DTNA: variants seen among roughly 807,000 people sequenced by gnomAD.
DTNA encodes the protein dystrophin-related protein 3.
A neutral mutation model predicts 100.7 loss-of-function variants in DTNA; 43 were observed. The ratio of observed to expected loss-of-function variants is 0.43; its 90% CI spans 0.33 to 0.55. The LOEUF is 0.55. Among genes scored for constraint, DTNA ranks in the 20% least tolerant of loss-of-function variants. The pLI is 0.04. For synonymous variants in DTNA, 349 were observed against 347.9 expected, an observed-to-expected ratio of 1.00 and a Z score of -0.04; for missense variants, 798 against 953.9, an observed-to-expected ratio of 0.84 and a Z score of 2.15.
At chr18:34,589,201 G>A (rs1345284926) in intron 1 of DTNA, among the ~76,000 whole-genome samples, 2 of 151,944 alleles carry the variant, frequency 1.3e-5, no homozygotes, top group African/African-American at 4.8e-5. Flanking sequence ...TTTTTAAAAT[G>A]TATGTTTGTA....
intron 1 of DTNA, among the ~76,000 whole-genome samples, chr18:34,539,488 G>C (rs1187804214): frequency 6.6e-6 from 1 of 151,920 alleles, no homozygotes; most frequent in Non-Finnish European, 1.5e-5. Flanking sequence ...AAATTTCCAA[G>C]TTTCTTTCAA....
At chr18:34,810,884 G>A (rs549897364) in intron 5 of DTNA, among the ~76,000 whole-genome samples, 12 of 152,118 alleles carry the variant, frequency 7.9e-5, no homozygotes, top group Non-Finnish European at 1.5e-4. Flanking sequence ...TTGAAACAGC[G>A]GAAACCCTTT....
At chr18:34,610,698 T>C (rs1301347628) in intron 1 of DTNA, among the ~76,000 whole-genome samples, 2 of 152,202 alleles carry the variant, frequency 1.3e-5, no homozygotes, top group Non-Finnish European at 2.9e-5. Context: ...GCATTTAGGC[T>C]GTTGTCCATT....
intron 1 of DTNA, among the ~76,000 whole-genome samples, chr18:34,722,480 A>T (rs2085547506): frequency 6.6e-6 from 1 of 152,142 alleles, no homozygotes; most frequent in African/African-American, 2.4e-5. Context: ...ACTTACTATA[A>T]ATCAAATTAT....
chr18:34,869,715 A>G (rs1206028844), intron 17 of DTNA, among the ~76,000 whole-genome samples: 1 of 152,192 alleles, frequency 6.6e-6, no homozygotes, highest in Non-Finnish European at 1.5e-5. Flanking sequence ...TACAGGGTGC[A>G]TATTTTAGTC....
intron 1 of DTNA, among the ~76,000 whole-genome samples, chr18:34,596,741 A>AT (rs147137665): frequency 0.012 from 1,869 of 152,168 alleles, 33 homozygotes; most frequent in African/African-American, 0.041. Context: ...TTCTGATTTT[A>AT]TTTTTTAGTT....
chr18:34,862,246 A>G (rs2150126003), intron 16 of DTNA, among the ~76,000 whole-genome samples: 1 of 152,084 alleles, frequency 6.6e-6, no homozygotes, highest in South Asian at 2.1e-4. Context: ...GACAAAGACT[A>G]AAATAAGATA....
chr18:34,570,120 A>G (rs1330961762), intron 1 of DTNA, among the ~76,000 whole-genome samples: 1 of 152,140 alleles, frequency 6.6e-6, no homozygotes, highest in Non-Finnish European at 1.5e-5. Context: ...TTTGAACTAA[A>G]TTGCCAAACT....
chr18:34,664,394 T>G (rs1319513882), intron 1 of DTNA, among the ~76,000 whole-genome samples: 3 of 152,196 alleles, frequency 2.0e-5, no homozygotes, highest in African/African-American at 7.2e-5. Flanking sequence ...AGACCAATTC[T>G]TTTAAGATGC....
intron 1 of DTNA, among the ~76,000 whole-genome samples, chr18:34,560,635 A>G (rs942485598): frequency 6.6e-6 from 1 of 152,176 alleles, no homozygotes; most frequent in Non-Finnish European, 1.5e-5. Context: ...GTTGGGCGCT[A>G]TGGCTCACTC....
intron 1 of DTNA, among the ~76,000 whole-genome samples, chr18:34,529,637 A>G (rs2042959026): frequency 6.6e-6 from 1 of 152,172 alleles, no homozygotes; most frequent in Non-Finnish European, 1.5e-5. Context: ...GGAGAGTCAC[A>G]AAGTGGTTAT....
intron 1 of DTNA, 119 bp from the exon 2 acceptor site, chr18:34,755,857 G>A (rs778834102): frequency 2.3e-6 from 2 of 879,322 alleles, no homozygotes. Context: ...AAAACAAACA[G>A]TTTTAAATAG....
intron 1 of DTNA, among the ~76,000 whole-genome samples, chr18:34,702,676 C>A (rs1410616618): frequency 3.3e-5 from 5 of 152,144 alleles, no homozygotes; most frequent in Non-Finnish European, 7.4e-5. Flanking sequence ...CCTATATCAC[C>A]CATAATAAAC....
chr18:34,801,571 C>T (rs949646140), intron 4 of DTNA, among the ~76,000 whole-genome samples: 8 of 147,776 alleles, frequency 5.4e-5, no homozygotes, highest in East Asian at 4.0e-4. Context: ...AGTGCAGTGG[C>T]GCGATCTTGG....
intron 1 of DTNA, among the ~76,000 whole-genome samples, chr18:34,601,879 G>A (rs1471325385): frequency 1.3e-5 from 2 of 152,142 alleles, no homozygotes; most frequent in Admixed American, 6.5e-5. Flanking sequence ...CTCCGTTGGG[G>A]CAATTCCTAC....
At chr18:34,732,722 A>G (rs754967024) in intron 1 of DTNA, among the ~76,000 whole-genome samples, 1 of 152,254 alleles carries the variant, frequency 6.6e-6, no homozygotes, top group Admixed American at 6.5e-5. Flanking sequence ...CTAAAGTGCT[A>G]TGTTAGTAGG....
intron 1 of DTNA, among the ~76,000 whole-genome samples, chr18:34,677,903 C>T (rs2077584831): frequency 6.6e-6 from 1 of 152,136 alleles, no homozygotes; most frequent in African/African-American, 2.4e-5. Flanking sequence ...CATTCTCACT[C>T]TACTATAAAG....
At chr18:34,545,908 T>C (rs534536505) in intron 1 of DTNA, among the ~76,000 whole-genome samples, 14 of 152,204 alleles carry the variant, frequency 9.2e-5, no homozygotes, top group African/African-American at 3.4e-4. Context: ...GTCAACACTT[T>C]CTGAGCACAC....
In DTNA at chr18:34,853,203, C is replaced by CA. The variant is rs552531864; in HGVS notation, c.1532+1282dup. ...CATTATTTTTAATTACTTTTAATGG[C>CA]AAAAAAACGCAATTACGTTTGCACC... On this transcript the variant is annotated intron_variant, in intron 15 of 22. Transcript: ENST00000444659. 1.4e-3 allele frequency among the ~76,000 whole-genome samples: 210 copies of CA among 151,996 alleles called. 1 individual carries two copies. The highest frequency in any genetic ancestry group is 4.7e-3 in the African/African-American group (195 of 41,450).
Sources: allele counts gnomAD v4.1 joint callset (sites outside exome capture counted in the v4.1 genomes callset), GRCh38; gene constraint gnomAD v4.1.1; transcripts MANE v1.5; gene names NCBI Gene and HGNC (gene_info 2026-07-23, HGNC 2026-07-21).